SPATS2: variants seen among roughly 807,000 people sequenced by gnomAD.
The protein encoded by SPATS2 is spermatogenesis associated serine rich 2.
SPATS2 carries 38 observed loss-of-function variants against 63.7 expected under a neutral mutation model. That is an observed-to-expected ratio of 0.60 (90% confidence interval 0.46 to 0.78). SPATS2 has a LOEUF of 0.78. SPATS2 is among the 30% of genes least tolerant of loss of function. SPATS2 has a pLI of 0.00. For synonymous variants in SPATS2, 207 were observed against 232.9 expected, an observed-to-expected ratio of 0.89 and a Z score of 1.01; for missense variants, 588 against 666.2, an observed-to-expected ratio of 0.88 and a Z score of 1.29.
At chr12:49,439,562 A>G (rs1270603408) in intron 2 of SPATS2, among the ~76,000 whole-genome samples, 1 of 152,182 alleles carries the variant, frequency 6.6e-6, no homozygotes, top group Non-Finnish European at 1.5e-5. Flanking sequence ...ATCTGAGGAA[A>G]ATAGAGGAGT....
Position 49,489,557 on chromosome 12 carries a change from A to G in SPATS2, c.198A>G (p.Val66=), listed in dbSNP as rs755116677. Residue 66 remains valine, a synonymous_variant, in exon 5 of 14, where the codon GTA becomes GTG. Coordinates refer to ENST00000552918, the MANE Select transcript of SPATS2 (RefSeq NM_023071.4). ...QHFDNCVDKT[V]QAFMEGSASE... is the part of the protein sequence containing the mutation. ...TTGATAACTGTGTGGACAAAACAGT[A>G]CAAGCATTCATGGAAGGTAATCCTG... is the stretch of plus-strand genomic sequence containing the variant. 2 of 1,612,258 alleles carry G rather than the reference A, an allele frequency of 1.2e-6. No individual in the cohort carries two copies. The highest frequency in any genetic ancestry group is 2.2e-5 in the South Asian group (2 of 90,492).
At chr12:49,464,256 C>G (rs1945870286) in intron 3 of SPATS2, among the ~76,000 whole-genome samples, 1 of 152,028 alleles carries the variant, frequency 6.6e-6, no homozygotes, top group Admixed American at 6.6e-5. Flanking sequence ...ATAATCTCAG[C>G]ACTTAGGGAG....
intron 2 of SPATS2, among the ~76,000 whole-genome samples, chr12:49,456,366 T>G (rs1367935549): frequency 8.5e-5 from 13 of 152,156 alleles, no homozygotes; most frequent in Non-Finnish European, 1.9e-4. Flanking sequence ...CCTTCAGAGC[T>G]CTAAGATGAG....
intron 2 of SPATS2, among the ~76,000 whole-genome samples, chr12:49,400,697 G>A (rs1401342807): frequency 6.6e-6 from 1 of 152,090 alleles, no homozygotes; most frequent in Non-Finnish European, 1.5e-5. Context: ...CATGGACGAG[G>A]AAATGTTCAT....
chr12:49,435,367 C>CG (rs973787512), intron 2 of SPATS2, among the ~76,000 whole-genome samples: 3 of 147,714 alleles, frequency 2.0e-5, no homozygotes, highest in African/African-American at 7.5e-5. Context: ...CTTTGTCGCC[C>CG]GGGCCAGAGT....
At chr12:49,524,638 C>A in intron 12 of SPATS2, 44 bp from the exon 13 acceptor site, 2 of 1,581,018 alleles carry the variant, frequency 1.3e-6, no homozygotes, top group Non-Finnish European at 1.7e-6. Context: ...ATCCATTGTG[C>A]TGTTCTATCA....
chr12:49,425,339 CT>C lies in SPATS2; in HGVS notation c.-243-35427del, dbSNP rs1945055184. ...TTCTTATAGTTTATTGATGTATTTA[CT>C]TTTGTTTTTCTTTTCTTTTTTGTAG... On this transcript the variant is annotated intron_variant, in intron 2 of 13. Transcript: ENST00000552918. 3.3e-5 allele frequency among the ~76,000 whole-genome samples: 5 copies of C among 152,142 alleles called. No homozygotes were observed. The South Asian group carries it at 1.0e-3, about 32-fold the overall frequency.
Position 49,514,631 on chromosome 12 carries a change from T to TA in SPATS2, c.898+20dup. ...TGAAGCAAGTAAGATGATTGATCTT[T>TA]AATTAAAGCTATTACCTTCATAAAT... On this transcript the variant is annotated intron_variant, in intron 10 of 13. Transcript: ENST00000552918. The TA allele has an allele frequency of 6.2e-7, 1 of 1,610,472 alleles. No individual in the cohort carries two copies. The highest frequency in any genetic ancestry group is 8.5e-7 in the Non-Finnish European group (1 of 1,177,862).
chr12:49,495,987 A>G (rs1254891333), intron 7 of SPATS2, among the ~76,000 whole-genome samples: 3 of 152,152 alleles, frequency 2.0e-5, no homozygotes, highest in Non-Finnish European at 4.4e-5. Context: ...TGAGGGTAAG[A>G]TACTGGAAAT....
At chr12:49,376,595 CT>C (rs1232333233) in intron 2 of SPATS2, among the ~76,000 whole-genome samples, 1 of 151,512 alleles carries the variant, frequency 6.6e-6, no homozygotes, top group Non-Finnish European at 1.5e-5. Context: ...CAGGGTCTTG[CT>C]ATGTTTCCTA....
rs1416332215 is a variant in SPATS2 at position 49,522,842 on chromosome 12, C to G, written c.1100C>G (p.Ser367Ter). Residue 367 changes from serine (S) to a stop codon, truncating the protein, a stop_gained, in exon 12 of 14, where the codon TCA becomes TGA. Transcript: ENST00000552918. LOFTEE classifies it high-confidence loss of function. ...GAGACCCTAAAGAAGAGCATTGATT[C>G]ATTTGGACAAGGTGAGATGGTGAGA... ...DVETLKKSID[S>*]FGQVSHPKNS... 1 of 1,613,042 alleles carries G rather than the reference C, an allele frequency of 6.2e-7. No homozygotes were observed. The highest frequency in any genetic ancestry group is 1.1e-5 in the South Asian group (1 of 91,000).
chr12:49,424,836 C>T (rs768711492), intron 2 of SPATS2, among the ~76,000 whole-genome samples: 8 of 152,066 alleles, frequency 5.3e-5, no homozygotes, highest in African/African-American at 1.2e-4. Context: ...CCCACCACCA[C>T]GCCCAGCTAA....
At chr12:49,470,961 A>C (rs1430701746) in intron 3 of SPATS2, among the ~76,000 whole-genome samples, 2 of 152,212 alleles carry the variant, frequency 1.3e-5, no homozygotes, top group Non-Finnish European at 2.9e-5. Flanking sequence ...AAGGTAAATA[A>C]GAAAGGCAAT....
chr12:49,495,130 C>T (rs1946444323), intron 7 of SPATS2, 128 bp downstream of exon 7: 5 of 1,017,282 alleles, frequency 4.9e-6, no homozygotes, highest in Non-Finnish European at 6.6e-6. Flanking sequence ...AGTCTTTTTA[C>T]TTTTTAGTTT....
intron 3 of SPATS2, chr12:49,463,412 CAAAAAAAAA>C (rs557932750): frequency 1.3e-5 from 1 of 75,956 alleles, no homozygotes; most frequent in East Asian, 5.4e-4. Context: ...GACTCTGTCT[CAAAAAAAAA>C]AAAAAAAAAA....
chr12:49,451,352 A>G (rs1257808738), intron 2 of SPATS2, among the ~76,000 whole-genome samples: 1 of 152,126 alleles, frequency 6.6e-6, no homozygotes, highest in East Asian at 1.9e-4. Context: ...TAAGCATCTT[A>G]TAGCCCAATT....
chr12:49,488,662 A>C (rs1946335243), intron 4 of SPATS2, among the ~76,000 whole-genome samples: 1 of 152,184 alleles, frequency 6.6e-6, no homozygotes. Context: ...TCTCAAAATA[A>C]ATAAATAAGA....
chr12:49,484,449 C>T lies in SPATS2; in HGVS notation c.26-141C>T, dbSNP rs1946255092. 3.8e-5 allele frequency: 24 copies of T among 628,432 alleles called. No homozygotes were observed. In the South Asian group the frequency reaches 5.1e-4, roughly 13 times the overall value. 38.9% of individuals were successfully genotyped at this position (628,432 alleles called of 1,614,324 possible). A position where few individuals can be genotyped will look rare whatever the true frequency, so the allele number is the denominator to read the frequency against. On this transcript the variant is annotated intron_variant, in intron 3 of 13. Transcript: ENST00000552918. The stretch of plus-strand genomic sequence containing the variant: ...AATTCAAAAGGCAGTTATATGTTAT[C>T]TATGTAACAGAATTTGCCAAATAGC...
rs1183462992 is a variant in SPATS2 at position 49,516,157 on chromosome 12, AAAAAAAAAAATAT to A, written c.898+1546_898+1558del. On this transcript the variant is annotated intron_variant, in intron 10 of 13. Coordinates refer to ENST00000552918, the MANE Select transcript of SPATS2 (RefSeq NM_023071.4). ...CCATCTCAAAAAAAAAAAAAAAAAA[AAAAAAAAAAATAT>A]ATATATATATATATATATATATATA... Among the ~76,000 whole-genome samples, 93 of 43,894 alleles carry A rather than the reference AAAAAAAAAAATAT, an allele frequency of 2.1e-3. 6 individuals carry two copies. The highest frequency in any genetic ancestry group is 5.7e-3 in the African/African-American group (53 of 9,234). The allele number at this position is 43,894 out of a possible 152,430, so 28.8% of individuals were successfully genotyped here. A position where few individuals can be genotyped will look rare whatever the true frequency, so the allele number is the denominator to read the frequency against.
Sources: allele counts gnomAD v4.1 joint callset (sites outside exome capture counted in the v4.1 genomes callset), GRCh38; gene constraint gnomAD v4.1.1; transcripts MANE v1.5; gene names NCBI Gene and HGNC (gene_info 2026-07-23, HGNC 2026-07-21).